The following AKAP13 variants were observed in gnomAD, a reference collection of about 807,000 sequenced individuals.
The protein encoded by AKAP13 is A-kinase anchor protein 13.
Under a neutral mutation model 264.5 loss-of-function variants are expected in AKAP13, and 80 were observed. The observed-to-expected ratio is 0.30, with a 90% CI of 0.25 to 0.36. AKAP13 has a LOEUF of 0.36. AKAP13 is among the 10% of genes least tolerant of loss of function. The probability of loss-of-function intolerance (pLI) is 1.00; values close to 1 mark genes in which losing one functional copy is unlikely to be tolerated. For synonymous variants in AKAP13, 1,380 were observed against 1,250.2 expected (o/e 1.10, Z -2.19); for missense variants, 3,712 against 3,435.2 (o/e 1.08, Z -2.01).
chr15:85,567,588 T>A (rs1367233553), intron 5 of AKAP13, among the ~76,000 whole-genome samples: 1 of 152,210 alleles, frequency 6.6e-6, no homozygotes, highest in Admixed American at 6.5e-5. Flanking sequence ...AGCTAAATAC[T>A]CATTTTCTAT....
chr15:85,691,977 G>A, intron 16 of AKAP13: 4 of 436,590 alleles, frequency 9.2e-6, no homozygotes, highest in South Asian at 6.4e-5. Context: ...ACTAAGCCTT[G>A]GGACTTCCTT....
At chr15:85,560,489 C>A (rs1271050064) in intron 5 of AKAP13, among the ~76,000 whole-genome samples, 1 of 152,110 alleles carries the variant, frequency 6.6e-6, no homozygotes, top group Non-Finnish European at 1.5e-5. Flanking sequence ...TAATAATATT[C>A]ATGATGCACC....
intron 8 of AKAP13, among the ~76,000 whole-genome samples, chr15:85,603,721 TG>T (rs1428305740): frequency 1.3e-5 from 2 of 152,250 alleles, no homozygotes; most frequent in Non-Finnish European, 2.9e-5. Flanking sequence ...CAATGTATTC[TG>T]TGCCTGAAAT....
intron 17 of AKAP13, chr15:85,702,314 C>A (rs1295335185): frequency 2.0e-5 from 3 of 152,064 alleles, no homozygotes; most frequent in African/African-American, 7.3e-5. Context: ...AGTATGTAGT[C>A]ATCTTCTCAA....
chr15:85,748,817 A>C lies in AKAP13; in HGVS notation c.*4140A>C, dbSNP rs1165778081. 1.3e-5 allele frequency: 2 copies of C among 152,308 alleles called. No homozygotes were observed. The highest frequency in any genetic ancestry group is 2.9e-5 in the Non-Finnish European group (2 of 68,098). The allele number at this position is 152,308 out of a possible 1,614,324, so 9.4% of individuals were successfully genotyped here. A position where few individuals can be genotyped will look rare whatever the true frequency, so the allele number is the denominator to read the frequency against. On this transcript the variant is annotated 3_prime_UTR_variant, in exon 37 of 37. Coordinates refer to ENST00000394518, the MANE Select transcript of AKAP13 (RefSeq NM_007200.5). Reference sequence around the variant, plus strand: ...CACCGAAGTGAGTGACCTGCCCTACAACCAGGTGGGACCACCTGTGCTGCA... The same window carrying C: ...CACCGAAGTGAGTGACCTGCCCTACCACCAGGTGGGACCACCTGTGCTGCA...
chr15:85,620,222 G>A (rs1165209250), intron 8 of AKAP13: 1 of 1,521,456 alleles, frequency 6.6e-7, no homozygotes, highest in Non-Finnish European at 8.8e-7. Context: ...GGCTGTTTTA[G>A]CGCTTTGAAC....
At chr15:85,740,945 G>A (rs188406001) in intron 34 of AKAP13, 101 bp from the exon 35 acceptor site, 8 of 1,502,392 alleles carry the variant, frequency 5.3e-6, no homozygotes, top group African/African-American at 2.8e-5. Context: ...GTTCTAGTCC[G>A]TCATAGTGCC....
chr15:85,433,763 GAA>G, intron 1 of AKAP13, among the ~76,000 whole-genome samples: 1 of 151,934 alleles, frequency 6.6e-6, no homozygotes, highest in African/African-American at 2.4e-5. Context: ...CCAACATGGT[GAA>G]ACCCCTCTCT....
At chr15:85,508,761 T>C (rs1334820170) in intron 2 of AKAP13, among the ~76,000 whole-genome samples, 1 of 152,184 alleles carries the variant, frequency 6.6e-6, no homozygotes, top group East Asian at 1.9e-4. Context: ...CAGTGTTCAT[T>C]CATTTGCTCC....
In AKAP13 at chr15:85,576,389, T is replaced by TA. The variant is rs5814202; in HGVS notation, c.861+1068dup. Among the ~76,000 whole-genome samples, 2,091 of 151,880 alleles carry TA rather than the reference T, an allele frequency of 0.014. 88 individuals are homozygous for TA. The East Asian group carries it at 0.17, about 12-fold the overall frequency. On this transcript the variant is annotated intron_variant, in intron 6 of 36. Coordinates refer to ENST00000394518, the MANE Select transcript of AKAP13 (RefSeq NM_007200.5). ...AATAGTTGTATGGTACAAAGATAGCTAAAAAAAACAGAAAAGATTTTATAA... is the reference window on the plus strand; with the variant it reads ...AATAGTTGTATGGTACAAAGATAGCTAAAAAAAAACAGAAAAGATTTTATAA...
intron 8 of AKAP13, among the ~76,000 whole-genome samples, chr15:85,613,679 T>TAAAAAA (rs762473477): frequency 0.13 from 13,559 of 102,598 alleles, 1,816 homozygotes; most frequent in Middle Eastern, 0.25. Context: ...AGACTCCGTC[T>TAAAAAA]AAAAAAAAAA....
Position 85,521,496 on chromosome 15 carries a change from G to A in AKAP13, c.102G>A (p.Leu34=), listed in dbSNP as rs976594302. 1 of 1,614,108 alleles carries A rather than the reference G, an allele frequency of 6.2e-7. No homozygotes were observed. ...CTGAAGATGATGTAGTGTTTTACTT[G>A]GTATTTTTGGGTTCCACCCTCCGTC... The part of the protein sequence containing the change: ...DKAEDDVVFY[L]VFLGSTLRHC... Residue 34 remains leucine, a synonymous_variant, in exon 3 of 37, where the codon TTG becomes TTA. Coordinates refer to ENST00000394518, the MANE Select transcript of AKAP13 (RefSeq NM_007200.5).
chr15:85,545,203 T>C (rs1286995666), intron 5 of AKAP13, among the ~76,000 whole-genome samples: 1 of 152,176 alleles, frequency 6.6e-6, no homozygotes. Flanking sequence ...TGGCCAATGA[T>C]TGGATTCATT....
At chr15:85,582,676 T>G (rs988226552) in intron 7 of AKAP13, among the ~76,000 whole-genome samples, 1 of 152,148 alleles carries the variant, frequency 6.6e-6, no homozygotes, top group African/African-American at 2.4e-5. Flanking sequence ...GTTTTTGTTT[T>G]TTTTGGGCTA....
chr15:85,693,573 A>C, intron 17 of AKAP13, 122 bp downstream of exon 17: 1 of 1,467,048 alleles, frequency 6.8e-7, no homozygotes, highest in Non-Finnish European at 9.0e-7. Context: ...AACCCTTTTT[A>C]TATCTTTCTT....
chr15:85,665,132 G>A (rs535786661), intron 13 of AKAP13, among the ~76,000 whole-genome samples: 1 of 152,304 alleles, frequency 6.6e-6, no homozygotes, highest in Admixed American at 6.5e-5. Context: ...GAGACCAGGA[G>A]TTTAAGGCTG....
At chr15:85,481,504 T>G (rs2075351277) in intron 1 of AKAP13, among the ~76,000 whole-genome samples, 1 of 152,218 alleles carries the variant, frequency 6.6e-6, no homozygotes, top group African/African-American at 2.4e-5. Context: ...AAAGTGAATG[T>G]GTCTCTTTTA....
At chr15:85,474,807 G>A (rs1185663711) in intron 1 of AKAP13, among the ~76,000 whole-genome samples, 1 of 152,108 alleles carries the variant, frequency 6.6e-6, no homozygotes, top group Non-Finnish European at 1.5e-5. Context: ...TTATAACATT[G>A]AAGACAATAT....
At chr15:85,646,311 C>G (rs999305468) in intron 10 of AKAP13, among the ~76,000 whole-genome samples, 4 of 152,096 alleles carry the variant, frequency 2.6e-5, no homozygotes, top group African/African-American at 9.7e-5. Flanking sequence ...CCCATCTCTA[C>G]TAAAAATATA....
Sources: gnomAD v4.1 joint callset for allele counts (sites outside exome capture counted in the v4.1 genomes callset) on GRCh38, gnomAD v4.1.1 for gene constraint, MANE v1.5 for transcripts, NCBI Gene and HGNC (gene_info 2026-07-23, HGNC 2026-07-21) for gene names.